BRINP1: variants seen among roughly 807,000 people sequenced by gnomAD.
BRINP1 encodes BMP/retinoic acid inducible neural specific 1, also known as BMP/retinoic acid-inducible neural-specific protein 1.
Under a neutral mutation model 72.9 loss-of-function variants are expected in BRINP1, and 17 were observed. That is an observed-to-expected ratio of 0.23 (90% confidence interval 0.16 to 0.35). BRINP1 has a LOEUF of 0.35. Among genes scored for constraint, BRINP1 ranks in the 10% least tolerant of loss-of-function variants. The probability of loss-of-function intolerance (pLI) is 1.00; values close to 1 mark genes in which losing one functional copy is unlikely to be tolerated. For synonymous variants in BRINP1, 418 were observed against 378.5 expected (o/e 1.10, Z -1.21); for missense variants, 850 against 1,001.6 (o/e 0.85, Z 2.04).
intron 1 of BRINP1, among the ~76,000 whole-genome samples, chr9:119,329,042 T>C (rs1831270594): frequency 1.3e-5 from 2 of 152,190 alleles, no homozygotes; most frequent in South Asian, 4.1e-4. Flanking sequence ...GGAGGCAGAC[T>C]TGGAGGCAGA....
rs960813482 is a variant in BRINP1 at position 119,333,169 on chromosome 9, G to A, written c.-50-19764C>T. On this transcript the variant is annotated intron_variant, in intron 1 of 7. Transcript: ENST00000265922. ...GTCTCAAGCAGTCTCTGACTTTAAAGTGAATTTCTGGCAGGCTGTGGTGGC... is the reference window on the plus strand; with the variant it reads ...GTCTCAAGCAGTCTCTGACTTTAAAATGAATTTCTGGCAGGCTGTGGTGGC... Among the ~76,000 whole-genome samples the A allele has an allele frequency of 6.6e-5, 10 of 151,864 alleles. 1 individual carries two copies. The highest frequency in any genetic ancestry group is 2.2e-4 in the African/African-American group (9 of 41,416).
At chr9:119,326,793 T>C (rs1200391564) in intron 1 of BRINP1, among the ~76,000 whole-genome samples, 1 of 152,198 alleles carries the variant, frequency 6.6e-6, no homozygotes, top group South Asian at 2.1e-4. Context: ...AATTTCAGTA[T>C]AATGTAATAA....
intron 1 of BRINP1, among the ~76,000 whole-genome samples, chr9:119,359,225 ACT>A (rs1416185824): frequency 6.6e-6 from 1 of 152,058 alleles, no homozygotes; most frequent in East Asian, 1.9e-4. Flanking sequence ...ATAGAATCTG[ACT>A]CTGTTACCCA....
chr9:119,203,428 A>G (rs1436161525), intron 7 of BRINP1, among the ~76,000 whole-genome samples: 1 of 152,210 alleles, frequency 6.6e-6, no homozygotes, highest in Non-Finnish European at 1.5e-5. Context: ...CTAATTACTG[A>G]GTGCCAAGAA....
intron 1 of BRINP1, among the ~76,000 whole-genome samples, chr9:119,355,542 C>T (rs575497682): frequency 1.2e-3 from 185 of 152,052 alleles, no homozygotes; most frequent in Non-Finnish European, 2.4e-3. Context: ...TCCTGGCTAA[C>T]ATGGTAAAAC....
At chr9:119,235,517 T>C (rs904928811) in intron 5 of BRINP1, among the ~76,000 whole-genome samples, 3 of 152,150 alleles carry the variant, frequency 2.0e-5, no homozygotes, top group Non-Finnish European at 2.9e-5. Flanking sequence ...TCTCGTGCCA[T>C]ATAAACCTTA....
At chr9:119,189,577 T>TCATTGTATAACAATTGTATAA (rs1829662432) in intron 7 of BRINP1, among the ~76,000 whole-genome samples, 1 of 152,108 alleles carries the variant, frequency 6.6e-6, no homozygotes, top group Admixed American at 6.5e-5. Context: ...AGAAAGACGG[T>TCATTGTATAACAATTGTATAA]CATTGTATAA....
intron 4 of BRINP1, among the ~76,000 whole-genome samples, chr9:119,241,037 C>A (rs1830243098): frequency 1.3e-5 from 2 of 152,202 alleles, no homozygotes; most frequent in Admixed American, 1.3e-4. Flanking sequence ...TTTATAGAGG[C>A]TGTCTGAATT....
At chr9:119,200,208 T>G (rs937125053) in intron 7 of BRINP1, among the ~76,000 whole-genome samples, 1 of 152,206 alleles carries the variant, frequency 6.6e-6, no homozygotes, top group Non-Finnish European at 1.5e-5. Flanking sequence ...TGAATGGCTA[T>G]TGTGTGACAG....
chr9:119,176,850 T>C (rs1268590535), intron 7 of BRINP1, among the ~76,000 whole-genome samples: 1 of 152,194 alleles, frequency 6.6e-6, no homozygotes, highest in African/African-American at 2.4e-5. Flanking sequence ...CCAGCATGCT[T>C]TGCTTTCGAT....
In BRINP1 at chr9:119,166,966, T is replaced by TCTTTGAATATTA; in HGVS notation, c.*106_*117dup. 1.8e-6 allele frequency: 2 copies of TCTTTGAATATTA among 1,125,802 alleles called. No homozygotes were observed. The highest frequency in any genetic ancestry group is 1.3e-6 in the Non-Finnish European group (1 of 785,980). The allele number at this position is 1,125,802 out of a possible 1,614,324, so 69.7% of individuals were successfully genotyped here. A position where few individuals can be genotyped will look rare whatever the true frequency, so the allele number is the denominator to read the frequency against. On this transcript the variant is annotated 3_prime_UTR_variant, in exon 8 of 8. Coordinates refer to ENST00000265922, the MANE Select transcript of BRINP1 (RefSeq NM_014618.3). ...CAACAAATGAAGATTTTCCTCCTTT[T>TCTTTGAATATTA]CTTTGAATATTAATTACATTTTACA...
chr9:119,191,356 C>G (rs1209565699), intron 7 of BRINP1, among the ~76,000 whole-genome samples: 5 of 151,836 alleles, frequency 3.3e-5, no homozygotes, highest in African/African-American at 1.2e-4. Context: ...ACTCTATTTG[C>G]AAGTGTCATA....
chr9:119,167,448 G>A lies in BRINP1; in HGVS notation c.1922C>T (p.Ser641Leu), dbSNP rs139063583. ...NETGQGPVDL[S>L]DPSKRQFYIK... The stretch of plus-strand genomic sequence containing the variant: ...GTAGAACTGCCTCTTGGAGGGATCC[G>A]ACAGGTCCACGGGGCCCTGGCCAGT... The change falls in exon 8 of 8, where the codon TCG (serine) becomes TTG (leucine). Residue 641 changes from serine to leucine, a missense_variant. Physicochemically the swap from Ser to Leu is moderately radical, Grantham distance 145. Coordinates refer to ENST00000265922, the MANE Select transcript of BRINP1 (RefSeq NM_014618.3). The surrounding 1 kb of genome is among the most constrained non-coding windows in gnomAD (Gnocchi z 4.3). 14,156 of 1,614,102 alleles carry A rather than the reference G, an allele frequency of 8.8e-3. 117 individuals are homozygous for A. Among genetic ancestry groups the A allele is most frequent in the Non-Finnish European group, 0.01 (11,932 of 1,180,006 alleles).
At chr9:119,187,003 G>A (rs1205378263) in intron 7 of BRINP1, among the ~76,000 whole-genome samples, 2 of 151,972 alleles carry the variant, frequency 1.3e-5, no homozygotes, top group Non-Finnish European at 2.9e-5. Context: ...CTGAGCCACT[G>A]AAACACCTCT....
Position 119,249,127 on chromosome 9 carries a change from C to T in BRINP1, c.242G>A (p.Arg81Lys). 6.2e-7 allele frequency: 1 copy of T among 1,613,772 alleles called. No individual in the cohort carries two copies. The highest frequency in any genetic ancestry group is 2.2e-5 in the East Asian group (1 of 44,868). Residue 81 changes from arginine (R) to lysine (K), a missense_variant, in exon 3 of 8, where the codon AGG becomes AAG. Physicochemically the swap from Arg to Lys is conservative, Grantham distance 26. Transcript: ENST00000265922. ...IYREFARWKV[R>K]NTAIERRDLV... is the part of the protein sequence containing the mutation. ...ATCTCTCCTCTCGATGGCTGTGTTC[C>T]TCACCTTCCAACGGGCAAACTCCCT...
At chr9:119,270,555 A>T (rs1830596361) in intron 2 of BRINP1, among the ~76,000 whole-genome samples, 1 of 152,194 alleles carries the variant, frequency 6.6e-6, no homozygotes, top group Non-Finnish European at 1.5e-5. Context: ...AGTGTGAGGA[A>T]ACAAGGGGAA....
chr9:119,281,576 A>G (rs1403672803), intron 2 of BRINP1, among the ~76,000 whole-genome samples: 1 of 152,222 alleles, frequency 6.6e-6, no homozygotes, highest in Non-Finnish European at 1.5e-5. Flanking sequence ...ACAAGTCAGC[A>G]TTGTCAGGGA....
chr9:119,343,322 T>A (rs918857654), intron 1 of BRINP1, among the ~76,000 whole-genome samples: 1 of 152,126 alleles, frequency 6.6e-6, no homozygotes, highest in African/African-American at 2.4e-5. Flanking sequence ...TAAAAACACA[T>A]CAGTAAGAGA....
At chr9:119,287,932 C>T (rs550470812) in intron 2 of BRINP1, among the ~76,000 whole-genome samples, 2 of 152,040 alleles carry the variant, frequency 1.3e-5, no homozygotes, top group Non-Finnish European at 2.9e-5. Context: ...ATACAACAAA[C>T]CCCCATGTAA....
Sources: gnomAD v4.1 joint callset for allele counts (sites outside exome capture counted in the v4.1 genomes callset) on GRCh38, gnomAD v4.1.1 for gene constraint, Gnocchi (gnomAD v3.1) non-coding constraint, MANE v1.5 for transcripts, NCBI Gene and HGNC (gene_info 2026-07-23, HGNC 2026-07-21) for gene names.